Variants in ANKRD28 observed in about 807,000 individuals in gnomAD.
ANKRD28 encodes the protein serine/threonine-protein phosphatase 6 regulatory ankyrin repeat subunit A.
A neutral mutation model predicts 126.5 loss-of-function variants in ANKRD28; 44 were observed. That is an observed-to-expected ratio of 0.35 (90% CI 0.27 to 0.45). The LOEUF (loss-of-function observed/expected upper bound fraction) is 0.45. ANKRD28 is among the 20% of genes least tolerant of loss of function. The pLI is 1.00. For missense variants in ANKRD28, 1,110 were observed against 1,316.6 expected, an observed-to-expected ratio of 0.84 and a Z score of 2.43; for synonymous variants, 442 against 468.5, an observed-to-expected ratio of 0.94 and a Z score of 0.73.
intron 7 of ANKRD28, among the ~76,000 whole-genome samples, chr3:15,724,117 C>T (rs1243305072): frequency 6.6e-6 from 1 of 152,148 alleles, no homozygotes; most frequent in African/African-American, 2.4e-5. Context: ...TGAAATGGAA[C>T]TACAGGGCCT....
chr3:15,696,476 G>T (rs1227276898), intron 14 of ANKRD28, among the ~76,000 whole-genome samples: 1 of 151,938 alleles, frequency 6.6e-6, no homozygotes, highest in Non-Finnish European at 1.5e-5. Context: ...TACCTCAAAA[G>T]TCTGTCAGAC....
intron 12 of ANKRD28, among the ~76,000 whole-genome samples, chr3:15,710,980 A>ATTTCCT (rs2072194336): frequency 1.3e-5 from 2 of 152,114 alleles, no homozygotes; most frequent in African/African-American, 4.8e-5. Context: ...AGAAGGCAGT[A>ATTTCCT]TTTCCTTTTG....
intron 1 of ANKRD28, among the ~76,000 whole-genome samples, chr3:15,857,450 A>G (rs1163638563): frequency 6.6e-6 from 1 of 152,048 alleles, no homozygotes; most frequent in Non-Finnish European, 1.5e-5. Context: ...ACACCAGACT[A>G]ATTTTTGTAT....
Position 15,670,080 on chromosome 3 carries a change from G to C in ANKRD28, c.*190C>G, listed in dbSNP as rs975857202. ...TTTTCCTCAGTCAGGTCTATTTCAA[G>C]ATTCTAGAAGTTCCTTTTGTAAAAC... On this transcript the variant is annotated 3_prime_UTR_variant, in exon 28 of 28. Transcript: ENST00000683139. The C allele has an allele frequency of 3.4e-6, 2 of 595,154 alleles. No individual in the cohort carries two copies. The highest frequency in any genetic ancestry group is 5.8e-5 in the East Asian group (2 of 34,712). The allele number at this position is 595,154 out of a possible 1,614,324, so 36.9% of individuals were successfully genotyped here.
At chr3:15,738,892 A>G (rs2075237686) in intron 4 of ANKRD28, 1 of 152,154 alleles carries the variant, frequency 6.6e-6, no homozygotes, top group Admixed American at 6.6e-5. Context: ...ACGTTCCCAG[A>G]GCAGCCATTT....
chr3:15,755,133 A>G (rs1398826487), intron 3 of ANKRD28, among the ~76,000 whole-genome samples: 1 of 152,170 alleles, frequency 6.6e-6, no homozygotes, highest in Non-Finnish European at 1.5e-5. Context: ...CCGTCTCAAA[A>G]AGAAAAAAAA....
rs573062809 is a variant in ANKRD28 at position 15,669,178 on chromosome 3, T to C, written c.*1092A>G. 6 of 152,366 alleles carry C rather than the reference T, an allele frequency of 3.9e-5. No individual in the cohort carries two copies. The highest frequency in any genetic ancestry group is 1.4e-4 in the African/African-American group (6 of 41,598). 9.4% of individuals were successfully genotyped at this position (152,366 alleles called of 1,614,324 possible). On this transcript the variant is annotated 3_prime_UTR_variant, in exon 28 of 28. Transcript: ENST00000683139. ...TACAGAAATGCCTTTCAAGAGACTT[T>C]AGTGATGCTTAATTTATGAACAACA...
At position 15,853,761 on chromosome 3, in the gene ANKRD28, G is replaced by A. The variant is rs1463585578; in HGVS notation, c.27+5616C>T. Among the ~76,000 whole-genome samples, 2 of 152,042 alleles carry A rather than the reference G, an allele frequency of 1.3e-5. No individual in the cohort carries two copies. Among genetic ancestry groups the A allele is most frequent in the Non-Finnish European group, 2.9e-5 (2 of 68,016 alleles). ...TGGGATTACAGGCATGAGCCACCGCGCCCGGCCCTAAAATCAATGTTTAAT... is the reference window on the plus strand; with the variant it reads ...TGGGATTACAGGCATGAGCCACCGCACCCGGCCCTAAAATCAATGTTTAAT... On this transcript the variant is annotated intron_variant, in intron 1 of 27. Transcript: ENST00000399451. This position sits in a 1 kb window ranked among gnomAD's most constrained non-coding sequence, Gnocchi z 4.2.
intron 1 of ANKRD28, among the ~76,000 whole-genome samples, chr3:15,813,302 G>A (rs563115419): frequency 1.3e-5 from 2 of 152,196 alleles, no homozygotes; most frequent in East Asian, 3.9e-4. Context: ...GCAGGTTGAG[G>A]CTGCAGTCAG....
chr3:15,721,723 A>G (rs551780953), intron 7 of ANKRD28, among the ~76,000 whole-genome samples: 1 of 152,290 alleles, frequency 6.6e-6, no homozygotes, highest in South Asian at 2.1e-4. Flanking sequence ...AAAAATGAGA[A>G]ACAATTCATG....
intron 1 of ANKRD28, among the ~76,000 whole-genome samples, chr3:15,852,848 AAAAAAAAAGAATGTCAACTT>A: frequency 6.6e-6 from 1 of 151,564 alleles, no homozygotes; most frequent in East Asian, 1.9e-4. Context: ...AAAAAAAAAA[AAAAAAAAAGAATGTCAACTT>A]AAATTGACTA....
Position 15,851,401 on chromosome 3 carries a change from G to C in ANKRD28, c.27+7976C>G, listed in dbSNP as rs138431663. On this transcript the variant is annotated intron_variant, in intron 1 of 27. Coordinates refer to the ANKRD28 transcript ENST00000399451. ...TGCCAAAAATAAAAAAAAATTAGCTGTGAATAGTGGCATGTACCTGTACTC... is the reference window on the plus strand; with the variant it reads ...TGCCAAAAATAAAAAAAAATTAGCTCTGAATAGTGGCATGTACCTGTACTC... 3.4e-3 allele frequency among the ~76,000 whole-genome samples: 515 copies of C among 152,058 alleles called. 2 individuals carry two copies. The highest frequency in any genetic ancestry group is 0.012 in the African/African-American group (497 of 41,456).
chr3:15,759,726 A>G (rs2058353549), intron 3 of ANKRD28, among the ~76,000 whole-genome samples: 1 of 152,230 alleles, frequency 6.6e-6, no homozygotes, highest in African/African-American at 2.4e-5. Context: ...TTCTATCAAT[A>G]ACAGTGAAAT....
chr3:15,831,576 A>G (rs911411391), intron 1 of ANKRD28, among the ~76,000 whole-genome samples: 1 of 152,168 alleles, frequency 6.6e-6, no homozygotes, highest in East Asian at 1.9e-4. Context: ...TGAGGAGAAA[A>G]ATCGCTCTCC....
chr3:15,747,993 C>G (rs2057594974), intron 4 of ANKRD28, among the ~76,000 whole-genome samples: 1 of 152,094 alleles, frequency 6.6e-6, no homozygotes, highest in Non-Finnish European at 1.5e-5. Context: ...TCTGTTTTGT[C>G]TGATATAAAA....
At chr3:15,685,125 G>T in intron 21 of ANKRD28, 101 bp downstream of exon 21, 1 of 1,225,782 alleles carries the variant, frequency 8.2e-7, no homozygotes, top group Non-Finnish European at 1.2e-6. Flanking sequence ...TTATTCCCAA[G>T]GTTTTTGCTA....
At chr3:15,859,490 T>G in exon 1 of ANKRD28, 2 of 1,277,940 alleles carry the variant, frequency 1.6e-6, no homozygotes, top group African/African-American at 1.6e-5. Flanking sequence ...CCCGCCCCAG[T>G]AGCCTTGGCC....
At chr3:15,728,213 AAAAC>A (rs537747116) in intron 6 of ANKRD28, among the ~76,000 whole-genome samples, 278 of 152,386 alleles carry the variant, frequency 1.8e-3, no homozygotes, top group African/African-American at 6.2e-3. Flanking sequence ...TAAAAAAGAA[AAAAC>A]AAAGACATGT....
At chr3:15,703,210 C>T (rs745368529) in intron 14 of ANKRD28, among the ~76,000 whole-genome samples, 5 of 152,180 alleles carry the variant, frequency 3.3e-5, no homozygotes, top group Non-Finnish European at 5.9e-5. Context: ...GAATAAATCT[C>T]AGCATTACAA....
Sources: gnomAD v4.1 joint callset for allele counts (sites outside exome capture counted in the v4.1 genomes callset) on GRCh38, gnomAD v4.1.1 for gene constraint, Gnocchi (gnomAD v3.1) non-coding constraint, MANE v1.5 for transcripts, NCBI Gene and HGNC (gene_info 2026-07-23, HGNC 2026-07-21) for gene names.